CNTN1: variants seen among roughly 807,000 people sequenced by gnomAD.
CNTN1 encodes contactin-1.
A neutral mutation model predicts 126.4 loss-of-function variants in CNTN1; 38 were observed. The observed-to-expected ratio is 0.30, with a 90% confidence interval of 0.23 to 0.39. CNTN1 has a LOEUF of 0.39. Ranked by LOEUF, CNTN1 falls within the 10% of genes least tolerant of loss-of-function variation. The pLI, the probability that CNTN1 is intolerant of heterozygous loss-of-function variation, is 1.00. For synonymous variants in CNTN1, 413 were observed against 422.6 expected (o/e 0.98, Z 0.28); for missense variants, 1,009 against 1,248.4 (o/e 0.81, Z 2.89).
At chr12:41,041,886 T>C (rs111428273) in intron 23 of CNTN1, among the ~76,000 whole-genome samples, 9,312 of 152,222 alleles carry the variant, frequency 0.061, 339 homozygotes, top group Middle Eastern at 0.13. Flanking sequence ...GCTTTAATTT[T>C]TTGAAGGGTT....
intron 1 of CNTN1, among the ~76,000 whole-genome samples, chr12:40,904,860 A>T (rs1944753901): frequency 6.6e-6 from 1 of 152,240 alleles, no homozygotes; most frequent in Non-Finnish European, 1.5e-5. Flanking sequence ...TTAGCGCCAC[A>T]ACAATGAACA....
intron 20 of CNTN1, 74 bp from the exon 21 acceptor site, chr12:41,025,076 C>T (rs185469361): frequency 5.7e-6 from 8 of 1,399,596 alleles, no homozygotes; most frequent in African/African-American, 1.4e-5. Context: ...GGTAATAGAA[C>T]CAGTTGAAGA....
chr12:41,070,147 T>C lies in CNTN1; in HGVS notation c.*112T>C. ...GCTCCATCCTAAGCCAAATAAATTA[T>C]ACTTTAACAAACTATTCAACTGATT... On this transcript the variant is annotated 3_prime_UTR_variant, in exon 24 of 24. Transcript: ENST00000551295. 1 of 920,196 alleles carries C rather than the reference T, an allele frequency of 1.1e-6. No individual in the cohort carries two copies. Among genetic ancestry groups the C allele is most frequent in the South Asian group, 1.3e-5 (1 of 74,388 alleles). The allele number at this position is 920,196 out of a possible 1,614,324, so 57.0% of individuals were successfully genotyped here. A position where few individuals can be genotyped will look rare whatever the true frequency, so the allele number is the denominator to read the frequency against.
chr12:40,789,114 TTTGAGA>T (rs1751277680), intron 1 of CNTN1, among the ~76,000 whole-genome samples: 2 of 152,150 alleles, frequency 1.3e-5, no homozygotes, highest in African/African-American at 2.4e-5. Flanking sequence ...CAGTGAATAC[TTTGAGA>T]TTGATTTTTT....
chr12:41,008,714 A>C (rs961036133), intron 17 of CNTN1, among the ~76,000 whole-genome samples: 3 of 152,168 alleles, frequency 2.0e-5, no homozygotes, highest in Non-Finnish European at 4.4e-5. Flanking sequence ...GACTTCCATG[A>C]ACCATCTATG....
intron 1 of CNTN1, among the ~76,000 whole-genome samples, chr12:40,855,651 T>C (rs1033667518): frequency 1.3e-5 from 2 of 152,222 alleles, no homozygotes; most frequent in South Asian, 2.1e-4. Flanking sequence ...AACACTTGAA[T>C]AAATCTATAT....
chr12:40,865,979 C>A (rs1002554993), intron 1 of CNTN1, among the ~76,000 whole-genome samples: 1 of 151,860 alleles, frequency 6.6e-6, no homozygotes, highest in Admixed American at 6.6e-5. Context: ...TTAATTTAGG[C>A]CTTTTGTTTC....
intron 1 of CNTN1, among the ~76,000 whole-genome samples, chr12:40,707,400 C>T (rs1272339030): frequency 6.6e-6 from 1 of 151,890 alleles, no homozygotes; most frequent in African/African-American, 2.4e-5. Context: ...AGGCGCCTGC[C>T]ACCACACCCG....
intron 3 of CNTN1, among the ~76,000 whole-genome samples, chr12:40,917,065 G>GT (rs202149741): frequency 0.014 from 1,803 of 128,196 alleles, 48 homozygotes; most frequent in African/African-American, 0.045. Flanking sequence ...TGGGGGCGGG[G>GT]GGGGGGGCAG....
chr12:40,853,501 T>C (rs1942792680), intron 1 of CNTN1, among the ~76,000 whole-genome samples: 1 of 152,152 alleles, frequency 6.6e-6, no homozygotes, highest in South Asian at 2.1e-4. Context: ...ACATCAAAAC[T>C]GTTTCCAACA....
intron 1 of CNTN1, among the ~76,000 whole-genome samples, chr12:40,795,989 C>T (rs1355473324): frequency 6.6e-6 from 1 of 151,998 alleles, no homozygotes; most frequent in African/African-American, 2.4e-5. Context: ...AAATGTCATA[C>T]CCAGTGCCAA....
chr12:40,817,475 C>CTTT lies in CNTN1; in HGVS notation c.-76-90858_-76-90856dup, dbSNP rs758574869. Among the ~76,000 whole-genome samples, 51 of 40,704 alleles carry CTTT rather than the reference C, an allele frequency of 1.3e-3. 2 individuals carry two copies. Among genetic ancestry groups the CTTT allele is most frequent in the African/African-American group, 5.5e-3 (49 of 8,854 alleles). The allele number at this position is 40,704 out of a possible 152,430, so 26.7% of individuals were successfully genotyped here. ...TCAGAGACTAGGATTGCAACCCCTG[C>CTTT]TTTTTTTTTTTTTTTTTTTTTTTTT... On this transcript the variant is annotated intron_variant, in intron 1 of 23. Coordinates refer to ENST00000551295, the MANE Select transcript of CNTN1 (RefSeq NM_001843.4).
chr12:40,871,186 G>GAAAAAAAAAAAA (rs201485882), intron 1 of CNTN1, among the ~76,000 whole-genome samples: 4 of 113,504 alleles, frequency 3.5e-5, no homozygotes, highest in Non-Finnish European at 3.9e-5. Context: ...CTGTTACAGA[G>GAAAAAAAAAAAA]AAAAAAAAAA....
At chr12:40,991,567 C>A (rs190232404) in intron 16 of CNTN1, among the ~76,000 whole-genome samples, 1 of 152,128 alleles carries the variant, frequency 6.6e-6, no homozygotes, top group East Asian at 1.9e-4. Context: ...TGGTGGCTCA[C>A]GCCTGTAATC....
At chr12:40,696,403 A>G (rs1387439474) in intron 1 of CNTN1, among the ~76,000 whole-genome samples, 1 of 152,184 alleles carries the variant, frequency 6.6e-6, no homozygotes, top group Admixed American at 6.6e-5. Flanking sequence ...TTCCAGCACT[A>G]GTTTCTTCTG....
intron 17 of CNTN1, among the ~76,000 whole-genome samples, chr12:40,996,143 T>G (rs1410008598): frequency 1.4e-5 from 2 of 143,288 alleles, no homozygotes; most frequent in Non-Finnish European, 3.0e-5. Flanking sequence ...GAGCCTCACT[T>G]TTTTTTTTTT....
At chr12:40,834,968 A>G (rs1941993306) in intron 1 of CNTN1, among the ~76,000 whole-genome samples, 2 of 152,168 alleles carry the variant, frequency 1.3e-5, no homozygotes, top group South Asian at 2.1e-4. Context: ...GGCTTGGTTA[A>G]TGTATGAGGC....
intron 1 of CNTN1, among the ~76,000 whole-genome samples, chr12:40,792,113 T>C (rs987738820): frequency 6.6e-5 from 10 of 152,214 alleles, no homozygotes; most frequent in Middle Eastern, 3.4e-3. Context: ...GCACTGATCA[T>C]GCAGGAATTC....
At chr12:40,760,078 T>C (rs75938819) in intron 1 of CNTN1, among the ~76,000 whole-genome samples, 1 of 152,266 alleles carries the variant, frequency 6.6e-6, no homozygotes, top group East Asian at 1.9e-4. Flanking sequence ...CAAGTTCTGA[T>C]TGCCTTAGTA....
Sources: allele counts gnomAD v4.1 joint callset (sites outside exome capture counted in the v4.1 genomes callset), GRCh38; gene constraint gnomAD v4.1.1; transcripts MANE v1.5; gene names NCBI Gene and HGNC (gene_info 2026-07-23, HGNC 2026-07-21).